WWP2: variants seen among roughly 807,000 people sequenced by gnomAD.
WWP2 encodes the protein WW domain containing E3 ubiquitin protein ligase 2.
A neutral mutation model predicts 121.0 loss-of-function variants in WWP2; 57 were observed. The observed-to-expected ratio is 0.47, with a 90% CI of 0.38 to 0.59. WWP2 has a LOEUF of 0.59. Ranked by LOEUF, WWP2 falls within the 20% of genes least tolerant of loss-of-function variation. WWP2 has a pLI of 0.00. For synonymous variants in WWP2, 449 were observed against 441.3 expected, an observed-to-expected ratio of 1.02 and a Z score of -0.22; for missense variants, 962 against 1,158.9, an observed-to-expected ratio of 0.83 and a Z score of 2.47.
intron 1 of WWP2, among the ~76,000 whole-genome samples, chr16:69,786,492 C>T (rs1376285700): frequency 1.4e-5 from 2 of 141,814 alleles, no homozygotes; most frequent in Non-Finnish European, 3.0e-5. Context: ...GCTCTTGTCA[C>T]CCAGGCTGCA....
chr16:69,910,284 A>G, intron 9 of WWP2: 1 of 758,962 alleles, frequency 1.3e-6, no homozygotes, highest in Non-Finnish European at 1.6e-6. Context: ...TCAAATACCC[A>G]GTCAATATTT....
At chr16:69,813,510 G>T (rs1446605542) in intron 4 of WWP2, among the ~76,000 whole-genome samples, 3 of 151,788 alleles carry the variant, frequency 2.0e-5, no homozygotes, top group African/African-American at 7.3e-5. Flanking sequence ...ATAGAGTCTT[G>T]CTCTGTCACC....
intron 7 of WWP2, among the ~76,000 whole-genome samples, chr16:69,876,458 G>A (rs915327854): frequency 3.3e-5 from 5 of 150,622 alleles, no homozygotes; most frequent in South Asian, 2.1e-4. Context: ...TACACCTCCC[G>A]GGTTCAAGTG....
intron 8 of WWP2, among the ~76,000 whole-genome samples, chr16:69,898,366 T>C (rs1368498579): frequency 1.3e-5 from 2 of 152,174 alleles, no homozygotes; most frequent in Non-Finnish European, 2.9e-5. Flanking sequence ...CTGGAATTTC[T>C]GCATTATAGG....
rs970906620 is a variant in WWP2, at chr16:69,935,602, G to A, written c.1843-251G>A. 3.3e-5 allele frequency among the ~76,000 whole-genome samples: 5 copies of A among 152,222 alleles called. No individual in the cohort carries two copies. Among genetic ancestry groups the A allele is most frequent in the South Asian group, 2.1e-4 (1 of 4,836 alleles). On this transcript the variant is annotated intron_variant, in intron 17 of 23. Transcript: ENST00000359154. This position sits in a 1 kb window ranked among gnomAD's most constrained non-coding sequence, Gnocchi z 5.2. ...GATGCGGGCCCGGACGTGGGTTCCCGCACCAGCTGGCTCTGCCCAGTCCTT... is the reference window on the plus strand; with the variant it reads ...GATGCGGGCCCGGACGTGGGTTCCCACACCAGCTGGCTCTGCCCAGTCCTT...
At chr16:69,828,195 A>G (rs2056736652) in intron 4 of WWP2, among the ~76,000 whole-genome samples, 1 of 151,868 alleles carries the variant, frequency 6.6e-6, no homozygotes, top group African/African-American at 2.4e-5. Context: ...TGAAATGAGG[A>G]CATGAGTGCC....
In WWP2 at chr16:69,931,163, G is replaced by A. The variant is rs767519385; in HGVS notation, c.1457G>A (p.Gly486Asp). The change falls in exon 14 of 24, where the codon GGT becomes GAT. Residue 486 changes from glycine (G) to aspartate (D), a missense_variant. Coordinates refer to ENST00000359154, the MANE Select transcript of WWP2 (RefSeq NM_001270454.2). The stretch of plus-strand genomic sequence containing the variant: ...TTTGCTCTTCCTAGGACGAAGCAAG[G>A]TTCCCCTGGTGCTTATGACCGCAGT... ...RPGFESGTKQ[G>D]SPGAYDRSFR... The A allele has an allele frequency of 6.2e-7, 1 of 1,614,094 alleles. No individual in the cohort carries two copies. The highest frequency in any genetic ancestry group is 8.5e-7 in the Non-Finnish European group (1 of 1,180,002).
intron 6 of WWP2, among the ~76,000 whole-genome samples, chr16:69,858,114 C>G (rs1238397318): frequency 6.7e-6 from 1 of 150,326 alleles, no homozygotes; most frequent in Non-Finnish European, 1.5e-5. Flanking sequence ...CCTTTAGAAC[C>G]AGTAAAAAAA....
chr16:69,857,480 A>G (rs1478143500), intron 6 of WWP2, among the ~76,000 whole-genome samples: 5 of 152,086 alleles, frequency 3.3e-5, no homozygotes, highest in African/African-American at 7.2e-5. Flanking sequence ...TGACTATTTG[A>G]TAATGGAGTG....
chr16:69,937,012 T>C lies in WWP2; in HGVS notation c.2118-106T>C. The C allele has an allele frequency of 6.9e-7, 1 of 1,450,986 alleles. No homozygotes were observed. Among genetic ancestry groups the C allele is most frequent in the Non-Finnish European group, 9.2e-7 (1 of 1,088,442 alleles). 89.9% of individuals were successfully genotyped at this position (1,450,986 alleles called of 1,614,324 possible). ...CTGGGTCTGGGTGTGCGAAGTGGGC[T>C]CTGCTGATCTGGTGGTCCTGCGCGG... On this transcript the variant is annotated intron_variant, in intron 19 of 23. Transcript: ENST00000359154. The surrounding 1 kb of genome is among the most constrained non-coding windows in gnomAD (Gnocchi z 6.6).
At chr16:69,809,716 C>T (rs1321198467) in intron 4 of WWP2, among the ~76,000 whole-genome samples, 4 of 151,384 alleles carry the variant, frequency 2.6e-5, no homozygotes, top group Admixed American at 6.6e-5. Flanking sequence ...TGCAGTGAGC[C>T]GAGATTGCGC....
intron 1 of WWP2, among the ~76,000 whole-genome samples, chr16:69,769,449 T>G (rs948130671): frequency 1.3e-5 from 2 of 152,012 alleles, no homozygotes; most frequent in Admixed American, 1.3e-4. Flanking sequence ...TTGAAAAAAA[T>G]TTTTTAAAAC....
chr16:69,786,925 T>A, intron 1 of WWP2, 71 bp from the exon 2 acceptor site: 1 of 1,341,464 alleles, frequency 7.5e-7, no homozygotes, highest in South Asian at 1.4e-5. Flanking sequence ...GCTTAAATAT[T>A]GAAATTGAGT....
At chr16:69,781,835 G>C (rs947343726) in intron 1 of WWP2, among the ~76,000 whole-genome samples, 3 of 152,090 alleles carry the variant, frequency 2.0e-5, no homozygotes, top group African/African-American at 7.2e-5. Context: ...CAAGTGGAAG[G>C]AAAGGCAGGA....
At chr16:69,933,580 T>C (rs1047527800) in intron 16 of WWP2, among the ~76,000 whole-genome samples, 2 of 152,180 alleles carry the variant, frequency 1.3e-5, no homozygotes, top group African/African-American at 4.8e-5. Context: ...AAAATTATTG[T>C]AATAAACATG....
Position 69,930,120 on chromosome 16 carries a change from GTGT to G in WWP2, c.1317-8_1317-6del. On this transcript the variant is annotated splice_polypyrimidine_tract_variant and splice_region_variant and intron_variant, in intron 12 of 23. Transcript: ENST00000359154. ...GCCAGCCCTTCACCCTTTTCTTCCC[GTGT>G]TTCCAGGATGATCCAGGAACCAGCT... is the stretch of plus-strand genomic sequence containing the variant. The G allele has an allele frequency of 1.9e-6, 3 of 1,613,714 alleles. No individual in the cohort carries two copies. Among genetic ancestry groups the G allele is most frequent in the Non-Finnish European group, 2.5e-6 (3 of 1,179,846 alleles).
chr16:69,887,257 G>C (rs2057941836), intron 7 of WWP2, among the ~76,000 whole-genome samples: 1 of 152,204 alleles, frequency 6.6e-6, no homozygotes, highest in Non-Finnish European at 1.5e-5. Context: ...TTACAAGAAT[G>C]AGCACATTAC....
chr16:69,939,989 C>A lies in WWP2; in HGVS notation c.*49C>A. On this transcript the variant is annotated 3_prime_UTR_variant, in exon 24 of 24. Coordinates refer to ENST00000359154, the MANE Select transcript of WWP2 (RefSeq NM_001270454.2). ...CCCAGCGCACATGTAGTCCTGAGTC[C>A]TCCCTGCCTGAGAGGCCACTGGCCC... 1 of 1,522,268 alleles carries A rather than the reference C, an allele frequency of 6.6e-7. No individual in the cohort carries two copies. Among genetic ancestry groups the A allele is most frequent in the Non-Finnish European group, 9.0e-7 (1 of 1,113,084 alleles). The allele number at this position is 1,522,268 out of a possible 1,614,324, so 94.3% of individuals were successfully genotyped here.
At chr16:69,891,030 G>A (rs563766871) in intron 8 of WWP2, among the ~76,000 whole-genome samples, 4 of 152,216 alleles carry the variant, frequency 2.6e-5, no homozygotes, top group East Asian at 1.9e-4. Flanking sequence ...TGGCTTCCAC[G>A]TGCTCTTCTC....
Sources: gnomAD v4.1 joint callset for allele counts (sites outside exome capture counted in the v4.1 genomes callset) on GRCh38, gnomAD v4.1.1 for gene constraint, Gnocchi (gnomAD v3.1) non-coding constraint, MANE v1.5 for transcripts, NCBI Gene and HGNC (gene_info 2026-07-23, HGNC 2026-07-21) for gene names.